Variants in ZBTB20 observed in about 807,000 individuals in gnomAD.
ZBTB20 encodes zinc finger and BTB domain containing 20.
Under a neutral mutation model 56.9 loss-of-function variants are expected in ZBTB20, and 9 were observed. That is an observed-to-expected ratio of 0.16 (90% CI 0.10 to 0.28). The LOEUF (loss-of-function observed/expected upper bound fraction) is 0.28, where lower values mean the gene tolerates loss of function less well. ZBTB20 is among the 10% of genes least tolerant of loss of function. The pLI, the probability that ZBTB20 is intolerant of heterozygous loss-of-function variation, is 1.00. For synonymous variants in ZBTB20, 417 were observed against 420.7 expected, an observed-to-expected ratio of 0.99 and a Z score of 0.11; for missense variants, 655 against 1,003.0, an observed-to-expected ratio of 0.65 and a Z score of 4.69.
At chr3:114,880,410 T>C (rs992013976) in intron 4 of ZBTB20, among the ~76,000 whole-genome samples, 1 of 152,190 alleles carries the variant, frequency 6.6e-6, no homozygotes, top group African/African-American at 2.4e-5. Flanking sequence ...TGAGAGTTTT[T>C]CTTTGAACCA....
At chr3:114,628,237 T>G (rs1461737948) in intron 6 of ZBTB20, among the ~76,000 whole-genome samples, 1 of 152,146 alleles carries the variant, frequency 6.6e-6, no homozygotes, top group Non-Finnish European at 1.5e-5. Context: ...ATTTGTAATC[T>G]CTCTCTTTTT....
At chr3:114,729,536 G>A (rs1284215667) in intron 5 of ZBTB20, among the ~76,000 whole-genome samples, 2 of 152,028 alleles carry the variant, frequency 1.3e-5, no homozygotes, top group Non-Finnish European at 2.9e-5. Context: ...TATATCTTCT[G>A]AGGCATTTAA....
rs2079490159 is a variant in ZBTB20, at chr3:114,337,235, A to G, written c.*1770T>C. 6.6e-6 allele frequency: 1 copy of G among 152,242 alleles called. No homozygotes were observed. Among genetic ancestry groups the G allele is most frequent in the Admixed American group, 6.5e-5 (1 of 15,286 alleles). The allele number at this position is 152,242 out of a possible 1,614,324, so 9.4% of individuals were successfully genotyped here. On this transcript the variant is annotated 3_prime_UTR_variant, in exon 12 of 12. Coordinates refer to ENST00000675478, the MANE Select transcript of ZBTB20 (RefSeq NM_001348800.3). Reference sequence around the variant, plus strand: ...TCAGAAGGTGATATTTGGAAGGAAAAAAGTAATTTTGGCATCAATGCATCT... The same window carrying G: ...TCAGAAGGTGATATTTGGAAGGAAAGAAGTAATTTTGGCATCAATGCATCT...
rs139237968 is a variant in ZBTB20, at chr3:114,509,158, A to G, written c.-294-8767T>C. Among the ~76,000 whole-genome samples the G allele has an allele frequency of 1.6e-4, 24 of 152,216 alleles. No individual in the cohort carries two copies. In the East Asian group the frequency reaches 4.4e-3, roughly 28 times the overall value. ...TCTGCTTCCCCCACCTTCTAGTCCT[A>G]CTTATTTCCACATCCACATTCCTAT... On this transcript the variant is annotated intron_variant, in intron 6 of 11. Coordinates refer to ENST00000675478, the MANE Select transcript of ZBTB20 (RefSeq NM_001348800.3).
intron 5 of ZBTB20, among the ~76,000 whole-genome samples, chr3:114,788,084 A>G (rs1415302762): frequency 6.6e-6 from 1 of 152,178 alleles, no homozygotes; most frequent in Non-Finnish European, 1.5e-5. Flanking sequence ...ATAAAAATCT[A>G]ATGATTCTGT....
intron 6 of ZBTB20, among the ~76,000 whole-genome samples, chr3:114,687,016 A>T (rs1037201360): frequency 1.3e-5 from 2 of 152,286 alleles, no homozygotes; most frequent in African/African-American, 4.8e-5. Flanking sequence ...TACGCAGAGT[A>T]ATAGAACTAA....
intron 5 of ZBTB20, among the ~76,000 whole-genome samples, chr3:114,725,921 G>A (rs1308619991): frequency 2.6e-5 from 4 of 152,324 alleles, no homozygotes; most frequent in African/African-American, 7.2e-5. Flanking sequence ...GTAAGCTACC[G>A]AAGATCTGCA....
intron 6 of ZBTB20, among the ~76,000 whole-genome samples, chr3:114,675,666 T>C (rs1007027943): frequency 1.3e-5 from 2 of 152,162 alleles, no homozygotes; most frequent in African/African-American, 2.4e-5. Context: ...TACAATGGAA[T>C]GCTCTGAATT....
intron 2 of ZBTB20, among the ~76,000 whole-genome samples, chr3:115,040,426 G>A (rs965464167): frequency 3.3e-5 from 5 of 152,126 alleles, no homozygotes; most frequent in South Asian, 4.1e-4. Flanking sequence ...AGACTTCACT[G>A]AGGAGGTGAT....
intron 6 of ZBTB20, among the ~76,000 whole-genome samples, chr3:114,590,614 G>GA (rs2055663436): frequency 6.6e-6 from 1 of 151,916 alleles, no homozygotes; most frequent in African/African-American, 2.4e-5. Flanking sequence ...GTTATTATAG[G>GA]AAATGATGGT....
intron 3 of ZBTB20, among the ~76,000 whole-genome samples, chr3:114,931,666 G>A (rs2076366247): frequency 6.6e-6 from 1 of 151,496 alleles, no homozygotes; most frequent in African/African-American, 2.4e-5. Flanking sequence ...ATGTCTTTTT[G>A]GTAATAACAA....
At chr3:114,539,325 T>C (rs1042000020) in intron 6 of ZBTB20, among the ~76,000 whole-genome samples, 2 of 152,170 alleles carry the variant, frequency 1.3e-5, no homozygotes, top group African/African-American at 4.8e-5. Context: ...GTGAAATAAG[T>C]TTAGTTCTGA....
rs1160488572 is a variant in ZBTB20, at chr3:114,336,605, A to G, written c.*2400T>C. 6.6e-6 allele frequency: 1 copy of G among 152,188 alleles called. No individual in the cohort carries two copies. The highest frequency in any genetic ancestry group is 1.5e-5 in the Non-Finnish European group (1 of 68,016). The allele number at this position is 152,188 out of a possible 1,614,324, so 9.4% of individuals were successfully genotyped here. The stretch of plus-strand genomic sequence containing the variant: ...CACTTCAGTTACACTAACCTTACAA[A>G]GCATCACAAAGAACTTATGAAAAAG... On this transcript the variant is annotated 3_prime_UTR_variant, in exon 12 of 12. Coordinates refer to ENST00000675478, the MANE Select transcript of ZBTB20 (RefSeq NM_001348800.3).
chr3:114,644,413 T>G (rs1236141848), intron 6 of ZBTB20, among the ~76,000 whole-genome samples: 1 of 152,128 alleles, frequency 6.6e-6, no homozygotes, highest in Non-Finnish European at 1.5e-5. Context: ...GAGTTACAGG[T>G]TATGTTATGG....
chr3:114,615,694 C>T (rs2057885854), intron 6 of ZBTB20, among the ~76,000 whole-genome samples: 1 of 152,138 alleles, frequency 6.6e-6, no homozygotes, highest in African/African-American at 2.4e-5. Context: ...GTGACAGATA[C>T]CTGTCATATT....
chr3:114,501,182 G>T (rs2043912903), intron 6 of ZBTB20, among the ~76,000 whole-genome samples: 1 of 152,134 alleles, frequency 6.6e-6, no homozygotes, highest in South Asian at 2.1e-4. Flanking sequence ...ATCTGATAAA[G>T]TGATTTTAAA....
At chr3:115,114,716 C>T (rs2083971674) in intron 1 of ZBTB20, among the ~76,000 whole-genome samples, 1 of 151,596 alleles carries the variant, frequency 6.6e-6, no homozygotes, top group African/African-American at 2.4e-5. Flanking sequence ...AAAAGAATTA[C>T]AAACATTCAA....
chr3:115,118,775 C>T (rs549619261), intron 1 of ZBTB20, among the ~76,000 whole-genome samples: 1 of 123,548 alleles, frequency 8.1e-6, no homozygotes, highest in East Asian at 2.5e-4. Flanking sequence ...GGATGGAGTG[C>T]AGTGGCGCGA....
intron 6 of ZBTB20, among the ~76,000 whole-genome samples, chr3:114,514,759 G>C (rs2045795943): frequency 6.6e-6 from 1 of 152,148 alleles, no homozygotes; most frequent in Non-Finnish European, 1.5e-5. Flanking sequence ...GAAAAGAAGA[G>C]TGTCACCTCT....
Sources: gnomAD v4.1 joint callset for allele counts (sites outside exome capture counted in the v4.1 genomes callset) on GRCh38, gnomAD v4.1.1 for gene constraint, MANE v1.5 for transcripts, NCBI Gene and HGNC (gene_info 2026-07-23, HGNC 2026-07-21) for gene names.